DSCAM: variants seen among roughly 807,000 people sequenced by gnomAD.
DSCAM encodes the protein DS cell adhesion molecule, also known as cell adhesion molecule DSCAM.
A neutral mutation model predicts 217.7 loss-of-function variants in DSCAM; 47 were observed. The ratio of observed to expected loss-of-function variants is 0.22; its 90% CI spans 0.17 to 0.28. DSCAM has a LOEUF of 0.28. Ranked by LOEUF, DSCAM falls within the 10% of genes least tolerant of loss-of-function variation. The pLI, the probability that DSCAM is intolerant of heterozygous loss-of-function variation, is 1.00. For missense variants in DSCAM, 2,080 were observed against 2,618.3 expected (o/e 0.79, Z 4.49); for synonymous variants, 1,056 against 1,015.3 (o/e 1.04, Z -0.76).
intron 1 of DSCAM, among the ~76,000 whole-genome samples, chr21:40,718,159 C>A (rs1163737251): frequency 1.3e-5 from 2 of 152,270 alleles, no homozygotes; most frequent in South Asian, 2.1e-4. Context: ...AGAGAGCCTA[C>A]AAGACAGAGC....
chr21:40,709,784 G>C (rs1281060047), intron 1 of DSCAM, among the ~76,000 whole-genome samples: 1 of 152,122 alleles, frequency 6.6e-6, no homozygotes, highest in East Asian at 1.9e-4. Context: ...ATTGTGAATA[G>C]TGCCACAATA....
chr21:40,523,437 C>T (rs1432300757), intron 3 of DSCAM, among the ~76,000 whole-genome samples: 1 of 152,130 alleles, frequency 6.6e-6, no homozygotes, highest in Admixed American at 6.5e-5. Flanking sequence ...AATGCACCGG[C>T]CTAAGAGCAC....
chr21:40,594,393 C>G (rs1488854578), intron 3 of DSCAM, among the ~76,000 whole-genome samples: 1 of 152,164 alleles, frequency 6.6e-6, no homozygotes, highest in Non-Finnish European at 1.5e-5. Flanking sequence ...AAAGAGGACT[C>G]ACTTGGGCAG....
intron 3 of DSCAM, among the ~76,000 whole-genome samples, chr21:40,504,982 T>C (rs2076198860): frequency 6.6e-6 from 1 of 152,208 alleles, no homozygotes; most frequent in African/African-American, 2.4e-5. Context: ...GTTTATATGG[T>C]TCTCTGGTGC....
intron 8 of DSCAM, among the ~76,000 whole-genome samples, chr21:40,314,507 T>C (rs922225222): frequency 6.6e-6 from 1 of 152,190 alleles, no homozygotes; most frequent in African/African-American, 2.4e-5. Context: ...ACGTTCTCAG[T>C]TGGAATGTGC....
intron 3 of DSCAM, among the ~76,000 whole-genome samples, chr21:40,584,537 G>C (rs1201983333): frequency 6.6e-6 from 1 of 152,174 alleles, no homozygotes; most frequent in Non-Finnish European, 1.5e-5. Context: ...GATGTGCGGA[G>C]AGCTGCAGTC....
intron 3 of DSCAM, among the ~76,000 whole-genome samples, chr21:40,399,129 G>T (rs909442571): frequency 6.6e-6 from 1 of 152,132 alleles, no homozygotes; most frequent in Non-Finnish European, 1.5e-5. Context: ...ACTTAGCTGG[G>T]TGTGATGGCA....
intron 20 of DSCAM, among the ~76,000 whole-genome samples, chr21:40,102,066 C>G (rs746855341): frequency 4.0e-5 from 6 of 150,532 alleles, no homozygotes; most frequent in Non-Finnish European, 5.9e-5. Flanking sequence ...CCCCGGGGAG[C>G]AAGAAGTGAC....
intron 1 of DSCAM, among the ~76,000 whole-genome samples, chr21:40,722,273 A>T (rs956299185): frequency 1.3e-5 from 2 of 152,142 alleles, no homozygotes; most frequent in Non-Finnish European, 1.5e-5. Flanking sequence ...ATATAAAATC[A>T]TATTTTCTCA....
At chr21:40,216,546 T>C (rs1319992935) in intron 11 of DSCAM, among the ~76,000 whole-genome samples, 2 of 152,238 alleles carry the variant, frequency 1.3e-5, no homozygotes, top group Non-Finnish European at 2.9e-5. Flanking sequence ...CATGGATATC[T>C]ATAATCAACA....
chr21:40,650,435 G>A (rs967726027), intron 3 of DSCAM, among the ~76,000 whole-genome samples: 3 of 152,242 alleles, frequency 2.0e-5, no homozygotes, highest in African/African-American at 7.2e-5. Flanking sequence ...ATTTCTGGGT[G>A]TGTCTGTGAA....
chr21:40,538,623 G>A (rs1185121391), intron 3 of DSCAM, among the ~76,000 whole-genome samples: 1 of 152,084 alleles, frequency 6.6e-6, no homozygotes, highest in Non-Finnish European at 1.5e-5. Flanking sequence ...TGGAGCAATG[G>A]TATTATTTTA....
intron 3 of DSCAM, among the ~76,000 whole-genome samples, chr21:40,556,679 A>C (rs56173150): frequency 0.54 from 81,892 of 151,260 alleles, 22,890 homozygotes; most frequent in East Asian, 0.67. Context: ...AGGTACCAGA[A>C]TCTTTTTAAA....
At chr21:40,055,912 T>A in intron 28 of DSCAM, 72 bp from the exon 29 acceptor site, 1 of 1,115,168 alleles carries the variant, frequency 9.0e-7, no homozygotes, top group South Asian at 1.3e-5. Flanking sequence ...TGCACCTGTA[T>A]ACCAACTTAG....
intron 27 of DSCAM, among the ~76,000 whole-genome samples, chr21:40,064,303 C>T (rs1036610781): frequency 6.6e-6 from 1 of 152,048 alleles, no homozygotes; most frequent in African/African-American, 2.4e-5. Context: ...GAGTAAACAT[C>T]CCACTTCAGT....
chr21:40,814,063 T>G (rs1371581463), intron 1 of DSCAM, among the ~76,000 whole-genome samples: 1 of 152,186 alleles, frequency 6.6e-6, no homozygotes, highest in Non-Finnish European at 1.5e-5. Context: ...GCAGCTGGAA[T>G]TCACTGTTGC....
At chr21:40,522,642 A>G (rs1039637163) in intron 3 of DSCAM, among the ~76,000 whole-genome samples, 1 of 152,190 alleles carries the variant, frequency 6.6e-6, no homozygotes. Context: ...TTGAAAGGGA[A>G]ACAGAATTGA....
intron 3 of DSCAM, among the ~76,000 whole-genome samples, chr21:40,386,839 A>T (rs1201147278): frequency 6.6e-6 from 1 of 152,178 alleles, no homozygotes; most frequent in Non-Finnish European, 1.5e-5. Flanking sequence ...TTTTTGCTTT[A>T]CAACCATCTA....
chr21:40,041,997 CTG>C (rs2088759714), intron 32 of DSCAM, among the ~76,000 whole-genome samples: 1 of 152,144 alleles, frequency 6.6e-6, no homozygotes, highest in African/African-American at 2.4e-5. Flanking sequence ...TTTCCACAGA[CTG>C]TATCTTGGAC....
Sources: allele counts gnomAD v4.1 joint callset (sites outside exome capture counted in the v4.1 genomes callset), GRCh38; gene constraint gnomAD v4.1.1; transcripts MANE v1.5; gene names NCBI Gene and HGNC (gene_info 2026-07-23, HGNC 2026-07-21).